RPS24: variants seen among roughly 807,000 people sequenced by gnomAD.
RPS24 encodes the protein small ribosomal subunit protein eS24.
For missense variants in RPS24, 100 were observed against 162.5 expected (o/e 0.62, Z 2.09); for synonymous variants, 72 against 55.6 (o/e 1.30, Z -1.31).
At chr10:78,037,090 A>G (rs191069156) in intron 3 of RPS24, 104 bp from the exon 4 acceptor site, 46 of 1,433,278 alleles carry the variant, frequency 3.2e-5, no homozygotes, top group Non-Finnish European at 3.2e-5. Flanking sequence ...TTGGTTTAGA[A>G]AGCTGTGTTT....
chr10:78,055,211 GC>G, exon 5 of RPS24: 1 of 786,452 alleles, frequency 1.3e-6, no homozygotes, highest in Non-Finnish European at 1.7e-6. Flanking sequence ...CCACGACCTG[GC>G]CACTGGCCTC....
At chr10:78,034,095 C>CCGGACA in intron 1 of RPS24, 191 bp downstream of exon 1, 1 of 701,338 alleles carries the variant, frequency 1.4e-6, no homozygotes, top group East Asian at 2.6e-5. Flanking sequence ...CGCTGTAGAC[C>CCGGACA]CGGACACGCT....
At chr10:78,034,173 G>A in intron 1 of RPS24, 1 of 524,080 alleles carries the variant, frequency 1.9e-6, no homozygotes, top group Non-Finnish European at 3.4e-6. Flanking sequence ...GGAGCACGGT[G>A]GATGGGGGTA....
chr10:78,054,585 A>G (rs1397399604), exon 5 of RPS24: 1 of 1,550,630 alleles, frequency 6.4e-7, no homozygotes, highest in African/African-American at 1.4e-5. Flanking sequence ...CCAGGAAGAG[A>G]GATGCACAGA....
At chr10:78,054,291 C>T (rs1848129255) in intron 4 of RPS24, among the ~76,000 whole-genome samples, 1 of 152,074 alleles carries the variant, frequency 6.6e-6, no homozygotes, top group Non-Finnish European at 1.5e-5. Flanking sequence ...GGGTTCTTGT[C>T]TACTCCAGAC....
chr10:78,052,128 C>CA (rs1361169250), intron 4 of RPS24, among the ~76,000 whole-genome samples: 2 of 152,072 alleles, frequency 1.3e-5, no homozygotes, highest in Non-Finnish European at 2.9e-5. Flanking sequence ...CAGGTTCAAG[C>CA]AATTCTCGTG....
chr10:78,041,727 G>A (rs74581199), downstream of RPS24, among the ~76,000 whole-genome samples: 104 of 152,288 alleles, frequency 6.8e-4, 1 homozygote, highest in African/African-American at 2.2e-3. Context: ...TGCAGGGATG[G>A]GATGGGATGG....
chr10:78,054,468 C>A, intron 4 of RPS24: 2 of 1,418,874 alleles, frequency 1.4e-6, no homozygotes, highest in South Asian at 1.4e-5. Flanking sequence ...AGGCGCAGAA[C>A]AGGGCGGCTG....
chr10:78,045,921 G>C (rs953693656), intron 4 of RPS24, among the ~76,000 whole-genome samples: 5 of 151,936 alleles, frequency 3.3e-5, no homozygotes, highest in Non-Finnish European at 5.9e-5. Flanking sequence ...AGAATTGCTT[G>C]AACCCAGGAG....
At chr10:78,043,506 A>C (rs1848008983), downstream of RPS24, among the ~76,000 whole-genome samples, 1 of 152,004 alleles carries the variant, frequency 6.6e-6, no homozygotes, top group African/African-American at 2.4e-5. Context: ...GGTATATAAA[A>C]CTCATGACTG....
downstream of RPS24, among the ~76,000 whole-genome samples, chr10:78,041,539 CTT>C (rs1469988686): frequency 6.6e-6 from 1 of 152,162 alleles, no homozygotes; most frequent in African/African-American, 2.4e-5. Flanking sequence ...AGAATGGGGT[CTT>C]TGATGTGATT....
chr10:78,040,933 C>T (rs986326059), downstream of RPS24, among the ~76,000 whole-genome samples: 2 of 151,976 alleles, frequency 1.3e-5, no homozygotes, highest in Non-Finnish European at 2.9e-5. Context: ...TGTAGTGGCT[C>T]ACAGTCATCA....
At chr10:78,038,824 A>T (rs929314857) in intron 4 of RPS24, 2 of 152,168 alleles carry the variant, frequency 1.3e-5, no homozygotes, top group African/African-American at 4.8e-5. Flanking sequence ...TAGAGACAGG[A>T]TTTAGCCGTG....
intron 4 of RPS24, among the ~76,000 whole-genome samples, chr10:78,049,617 A>G (rs1458197112): frequency 6.6e-6 from 1 of 152,202 alleles, no homozygotes; most frequent in East Asian, 1.9e-4. Flanking sequence ...GTTGCCCATC[A>G]CAGTGGGGCT....
chr10:78,036,195 G>A (rs940251260), intron 3 of RPS24: 5 of 197,486 alleles, frequency 2.5e-5, no homozygotes, highest in Non-Finnish European at 4.2e-5. Context: ...TCATCACCTC[G>A]AAGTGCTTGT....
intron 4 of RPS24, among the ~76,000 whole-genome samples, chr10:78,053,186 CAAA>C (rs57899265): frequency 7.1e-6 from 1 of 140,980 alleles, no homozygotes; most frequent in Non-Finnish European, 1.5e-5. Flanking sequence ...ACAACAACAA[CAAA>C]AAAAAAAAAA....
intron 4 of RPS24, among the ~76,000 whole-genome samples, chr10:78,047,086 G>A (rs1245837481): frequency 2.0e-5 from 3 of 151,030 alleles, no homozygotes; most frequent in Non-Finnish European, 2.9e-5. Flanking sequence ...TTCCTGAGTA[G>A]CTGGGACTAC....
chr10:78,038,053 G>T, intron 4 of RPS24: 1 of 997,948 alleles, frequency 1.0e-6, no homozygotes. Context: ...TGCTTTGCAT[G>T]TTGGCCTTTG....
chr10:78,042,949 CAG>C (rs1848001820), downstream of RPS24, among the ~76,000 whole-genome samples: 1 of 152,192 alleles, frequency 6.6e-6, no homozygotes, highest in African/African-American at 2.4e-5. Context: ...GGAGCCGAAA[CAG>C]GTGCTGTCCT....
Sources: allele counts gnomAD v4.1 joint callset (sites outside exome capture counted in the v4.1 genomes callset), GRCh38; gene constraint gnomAD v4.1.1; transcripts MANE v1.5; gene names NCBI Gene and HGNC (gene_info 2026-07-23, HGNC 2026-07-21).